Variants in ATOSB observed in about 807,000 individuals in gnomAD.
ATOSB encodes atos homolog B.
At chr9:35,115,976 C>G in the ATOSB span, 1 of 151,656 alleles carries the variant, frequency 6.6e-6, no homozygotes, top group Non-Finnish European at 1.5e-5. Context: ...CTTCTGTGGA[C>G]TTGTCCCTTT....
At chr9:35,106,080 T>C in the ATOSB span, 1 of 1,539,990 alleles carries the variant, frequency 6.5e-7, no homozygotes, top group Non-Finnish European at 8.8e-7. This position sits in a 1 kb window ranked among gnomAD's most constrained non-coding sequence, Gnocchi z 4.6. Flanking sequence ...CATGTCCCTC[T>C]CCACAAGCTC....
At chr9:35,106,594 T>G in the ATOSB span, 1 of 1,566,704 alleles carries the variant, frequency 6.4e-7, no homozygotes. The surrounding 1 kb of genome is among the most constrained non-coding windows in gnomAD (Gnocchi z 4.6). Context: ...GGGGAGGCAC[T>G]GGGGGGGCTC....
chr9:35,112,336 A>T, the ATOSB span: 1 of 140,810 alleles, frequency 7.1e-6, no homozygotes, highest in Admixed American at 7.2e-5. Context: ...TCACAGGCCC[A>T]TGTTCAAGGA....
chr9:35,105,485 A>G, the ATOSB span: 2 of 1,337,278 alleles, frequency 1.5e-6, no homozygotes, highest in Non-Finnish European at 2.0e-6. This position sits in a 1 kb window ranked among gnomAD's most constrained non-coding sequence, Gnocchi z 5.5. Flanking sequence ...TGAGCCCAGG[A>G]GTTGGAGACC....
the ATOSB span, chr9:35,107,000 C>T: frequency 2.1e-6 from 2 of 947,556 alleles, no homozygotes; most frequent in Non-Finnish European, 3.3e-6. The surrounding 1 kb of genome is among the most constrained non-coding windows in gnomAD (Gnocchi z 4.6). Context: ...CAGGCCTCCA[C>T]CTTTACCCAC....
chr9:35,106,397 C>T, the ATOSB span: 36 of 1,614,146 alleles, frequency 2.2e-5, no homozygotes, highest in South Asian at 3.3e-5. This position sits in a 1 kb window ranked among gnomAD's most constrained non-coding sequence, Gnocchi z 4.6. Flanking sequence ...AAAACGTCCT[C>T]GCAGCAATGA....
chr9:35,110,194 G>A, the ATOSB span: 2 of 152,168 alleles, frequency 1.3e-5, no homozygotes, highest in African/African-American at 4.8e-5. Flanking sequence ...TGTGGTGGGC[G>A]GGATGGCTGG....
the ATOSB span, chr9:35,106,118 G>T: frequency 1.5e-5 from 22 of 1,507,980 alleles, no homozygotes; most frequent in Non-Finnish European, 1.9e-5. The surrounding 1 kb of genome is among the most constrained non-coding windows in gnomAD (Gnocchi z 4.6). Context: ...CTGCCCTACA[G>T]TAGAGTTCTC....
chr9:35,105,810 G>C, the ATOSB span: 1 of 1,614,128 alleles, frequency 6.2e-7, no homozygotes, highest in African/African-American at 1.3e-5. The surrounding 1 kb of genome is among the most constrained non-coding windows in gnomAD (Gnocchi z 5.5). Flanking sequence ...AGAAGTCAAA[G>C]GTCACAAGGA....
the ATOSB span, among the ~76,000 whole-genome samples, chr9:35,114,825 G>A: frequency 6.6e-6 from 1 of 152,204 alleles, no homozygotes; most frequent in South Asian, 2.1e-4. Context: ...TTTGTGGCAA[G>A]TGGTTAAATG....
chr9:35,105,629 T>C, the ATOSB span: 7 of 1,580,418 alleles, frequency 4.4e-6, no homozygotes, highest in Non-Finnish European at 6.1e-6. The surrounding 1 kb of genome is among the most constrained non-coding windows in gnomAD (Gnocchi z 5.5). Context: ...AGAGATCCTC[T>C]TCAGGGAGGG....
At chr9:35,111,783 C>T in the ATOSB span, among the ~76,000 whole-genome samples, 2 of 152,196 alleles carry the variant, frequency 1.3e-5, no homozygotes, top group African/African-American at 4.8e-5. Context: ...AGGGGGTAGG[C>T]TTACCCAAGG....
At chr9:35,107,834 TG>T in the ATOSB span, 5 of 1,595,242 alleles carry the variant, frequency 3.1e-6, no homozygotes, top group South Asian at 2.3e-5. Flanking sequence ...AAGCATTTGA[TG>T]GGGGGCAGGG....
the ATOSB span, among the ~76,000 whole-genome samples, chr9:35,114,051 G>A: frequency 6.6e-6 from 1 of 152,200 alleles, no homozygotes; most frequent in Admixed American, 6.5e-5. Context: ...GGCCTCTGCA[G>A]CTCTACAATT....
the ATOSB span, chr9:35,107,345 T>TAA: frequency 8.8e-6 from 12 of 1,360,724 alleles, no homozygotes; most frequent in South Asian, 1.7e-5. Flanking sequence ...AAAAAAAAAG[T>TAA]AAAAAAAGAG....
At chr9:35,108,607 C>T in the ATOSB span, 2 of 1,096,358 alleles carry the variant, frequency 1.8e-6, no homozygotes, top group South Asian at 6.5e-5. Flanking sequence ...GATGAAGAGG[C>T]CTCAAGCCTA....
the ATOSB span, chr9:35,105,093 T>C: frequency 2.8e-4 from 290 of 1,024,108 alleles, 1 homozygote; most frequent in South Asian, 4.6e-3. This position sits in a 1 kb window ranked among gnomAD's most constrained non-coding sequence, Gnocchi z 5.5. Flanking sequence ...AATAATCCAT[T>C]TGGGCGTGAG....
At chr9:35,106,217 G>A in the ATOSB span, 26 of 1,612,078 alleles carry the variant, frequency 1.6e-5, no homozygotes, top group East Asian at 5.8e-4. The surrounding 1 kb of genome is among the most constrained non-coding windows in gnomAD (Gnocchi z 4.6). Flanking sequence ...TCATCCTCTT[G>A]ATGAGCTGAC....
the ATOSB span, among the ~76,000 whole-genome samples, chr9:35,112,683 G>A: frequency 6.6e-6 from 1 of 152,180 alleles, no homozygotes; most frequent in African/African-American, 2.4e-5. Context: ...TTGTCAGCAA[G>A]TCGGATAATT....
Sources: gnomAD v4.1 joint callset for allele counts (sites outside exome capture counted in the v4.1 genomes callset) on GRCh38, gnomAD v4.1.1 for gene constraint, Gnocchi (gnomAD v3.1) non-coding constraint, MANE v1.5 for transcripts, NCBI Gene and HGNC (gene_info 2026-07-23, HGNC 2026-07-21) for gene names.